The following COL2A1 variants were observed in gnomAD, a reference collection of about 807,000 sequenced individuals.
COL2A1 encodes collagen alpha-1(II) chain.
COL2A1 carries 28 observed loss-of-function variants against 204.5 expected under a neutral mutation model. The observed-to-expected ratio is 0.14, with a 90% CI of 0.10 to 0.19. The LOEUF is 0.19. Among genes scored for constraint, COL2A1 ranks in the 10% least tolerant of loss-of-function variants. The pLI is 1.00. For missense variants in COL2A1, 1,388 were observed against 2,027.5 expected (o/e 0.68, Z 6.06); for synonymous variants, 708 against 718.7 (o/e 0.99, Z 0.24).
In COL2A1 at chr12:47,974,744, GTTC is replaced by G; in HGVS notation, c.4002_4004del (p.Lys1334del). ...TCTCCTTGCTCTTGCTGCTCCACCA[GTTC>G]TTCTTGGGAACGTTTGCTGGATTGG... On this transcript the variant is annotated inframe_deletion, in exon 52 of 54. Coordinates refer to ENST00000380518, the MANE Select transcript of COL2A1 (RefSeq NM_001844.5). The G allele has an allele frequency of 6.2e-7, 1 of 1,614,216 alleles. No individual in the cohort carries two copies. The highest frequency in any genetic ancestry group is 8.5e-7 in the Non-Finnish European group (1 of 1,180,040).
chr12:47,991,161 A>T (rs1793917), intron 16 of COL2A1, among the ~76,000 whole-genome samples: 118,828 of 152,164 alleles, frequency 0.78, 46,812 homozygotes, highest in Non-Finnish European at 0.85. Flanking sequence ...TTCGGGAAGC[A>T]GTTCCTTGGG....
At position 47,980,473 on chromosome 12, in the gene COL2A1, C is replaced by T. The variant is rs892380238; in HGVS notation, c.2625+81G>A. 1.7e-5 allele frequency: 22 copies of T among 1,286,090 alleles called. No homozygotes were observed. The highest frequency in any genetic ancestry group is 5.1e-5 in the South Asian group (4 of 78,982). The allele number at this position is 1,286,090 out of a possible 1,614,324, so 79.7% of individuals were successfully genotyped here. A position where few individuals can be genotyped will look rare whatever the true frequency, so the allele number is the denominator to read the frequency against. ...TCCCAGGCCTGCGAACCATCCTCTG[C>T]GCAGCCTGCTGGGGCCTTCCCATCT... On this transcript the variant is annotated intron_variant, in intron 39 of 53. Transcript: ENST00000380518. This position sits in a 1 kb window ranked among gnomAD's most constrained non-coding sequence, Gnocchi z 4.5.
At position 47,984,069 on chromosome 12, in the gene COL2A1, G is replaced by A. The variant is rs753819738; in HGVS notation, c.1941+18C>T. On this transcript the variant is annotated intron_variant, in intron 29 of 53. Coordinates refer to ENST00000380518, the MANE Select transcript of COL2A1 (RefSeq NM_001844.5). ...CCCTGCCCCCAGGGCCACCTGGGGA[G>A]GCTGGGCAGGTACTTACAGCAGGGC... 6 of 1,609,332 alleles carry A rather than the reference G, an allele frequency of 3.7e-6. 1 individual carries two copies. Among genetic ancestry groups the A allele is most frequent in the Non-Finnish European group, 5.1e-6 (6 of 1,178,058 alleles).
intron 14 of COL2A1, 60 bp from the exon 15 acceptor site, chr12:47,993,562 CCTAGGGAA>C (rs1467404877): frequency 1.9e-5 from 28 of 1,482,840 alleles, no homozygotes; most frequent in Non-Finnish European, 2.5e-5. Flanking sequence ...CCAGCAAACT[CCTAGGGAA>C]GACGCCAAAA....
In COL2A1 at chr12:47,975,444, G is replaced by A. The variant is rs761840345; in HGVS notation, c.3759C>T (p.Ala1253=). The part of the protein sequence containing the change: ...QAAGGLRQHD[A]EVDATLKSLN... ...GGGACTTGAGTGTGGCATCCACCTC[G>A]GCGTCATGCTGTCTCAGGCCACCGG... The change falls in exon 51 of 54, where the codon GCC becomes GCT. Residue 1253 remains alanine (A), a synonymous_variant. Transcript: ENST00000380518. 1.2e-5 allele frequency: 19 copies of A among 1,614,014 alleles called. No homozygotes were observed. The highest frequency in any genetic ancestry group is 4.0e-5 in the African/African-American group (3 of 74,916).
chr12:47,984,910 A>G (rs2136563559), intron 27 of COL2A1, 85 bp downstream of exon 27: 1 of 1,160,894 alleles, frequency 8.6e-7, no homozygotes, highest in African/African-American at 1.5e-5. Context: ...GTTAAACTCT[A>G]CTCAGGACCC....
rs1029622443 is a variant in COL2A1 at position 48,003,798 on chromosome 12, CCTCG to C, written c.85+435_85+438del. On this transcript the variant is annotated intron_variant, in intron 1 of 53. Transcript: ENST00000380518. The stretch of plus-strand genomic sequence containing the variant: ...TCAACCCTTTGGCGTTTGCTTGCTC[CCTCG>C]CTCGCGCTCTCTCTTTCCTACTTCA... 9.2e-5 allele frequency among the ~76,000 whole-genome samples: 14 copies of C among 152,290 alleles called. 1 individual carries two copies. Among genetic ancestry groups the C allele is most frequent in the Admixed American group, 9.1e-4 (14 of 15,304 alleles).
rs1400605606 is a variant in COL2A1 at position 47,978,466 on chromosome 12, T to C, written c.2896-68A>G. 3 of 1,569,366 alleles carry C rather than the reference T, an allele frequency of 1.9e-6. No homozygotes were observed. The African/African-American group carries it at 4.1e-5, about 21-fold the overall frequency. ...GCCTCTTCTGTCCTCTCAGCACAGC[T>C]CTGTCTGTGCAGCCCCGCTCCCTGG... On this transcript the variant is annotated intron_variant, in intron 42 of 53. Transcript: ENST00000380518. This position sits in a 1 kb window ranked among gnomAD's most constrained non-coding sequence, Gnocchi z 5.5.
rs1467564980 is a variant in COL2A1, at chr12:48,004,197, T to C, written c.85+40A>G. 13 of 1,405,590 alleles carry C rather than the reference T, an allele frequency of 9.2e-6. No individual in the cohort carries two copies. In the East Asian group the frequency reaches 3.0e-4, roughly 32 times the overall value. 87.1% of individuals were successfully genotyped at this position (1,405,590 alleles called of 1,614,324 possible). On this transcript the variant is annotated intron_variant, in intron 1 of 53. Coordinates refer to ENST00000380518, the MANE Select transcript of COL2A1 (RefSeq NM_001844.5). Reference sequence around the variant, plus strand: ...GGGGAGAAGGATGCTGAGGGACGCATGGAAAGCAGGCAGGCAGGCAGGGGC... The same window carrying C: ...GGGGAGAAGGATGCTGAGGGACGCACGGAAAGCAGGCAGGCAGGCAGGGGC...
chr12:47,978,589 G>A lies in COL2A1; in HGVS notation c.2895+8C>T. The A allele has an allele frequency of 6.2e-7, 1 of 1,613,462 alleles. No individual in the cohort carries two copies. Among genetic ancestry groups the A allele is most frequent in the Non-Finnish European group, 8.5e-7 (1 of 1,179,926 alleles). ...GGGACCTTGGCATGGGCCTGGTGAG[G>A]GACTTACAGAGGGACCGTCATCTCC... On this transcript the variant is annotated splice_region_variant and intron_variant, in intron 42 of 53. Coordinates refer to ENST00000380518, the MANE Select transcript of COL2A1 (RefSeq NM_001844.5). This position sits in a 1 kb window ranked among gnomAD's most constrained non-coding sequence, Gnocchi z 5.5.
chr12:47,992,853 G>A lies in COL2A1; in HGVS notation c.1023+25C>T, dbSNP rs544232476. The A allele has an allele frequency of 5.3e-5, 85 of 1,613,352 alleles. 2 individuals carry two copies. In the South Asian group the frequency reaches 9.1e-4, roughly 17 times the overall value. ...ACTCTAAAGTGCTCGGCAAATGGTG[G>A]TGTTTGGCTTTGTCAATTACTCACC... is the stretch of plus-strand genomic sequence containing the variant. On this transcript the variant is annotated intron_variant, in intron 16 of 53. Transcript: ENST00000380518.
rs41263847 is a variant in COL2A1, at chr12:47,984,115, G to T, written c.1913C>A (p.Thr638Lys). 6.2e-7 allele frequency: 1 copy of T among 1,613,620 alleles called. No homozygotes were observed. Among genetic ancestry groups the T allele is most frequent in the Non-Finnish European group, 8.5e-7 (1 of 1,179,858 alleles). Reference protein sequence around the residue: ...LRGLPGKDGETGAAGPPGPAG... With the variant: ...LRGLPGKDGEKGAAGPPGPAG... ...AGGGCCAGGGGGTCCTGCAGCACCT[G>T]TCTCACCATCTTTGCCAGGAAGACC... Residue 638 changes from threonine to lysine, a missense_variant, in exon 29 of 54, where the codon ACA becomes AAA. Physicochemically the swap from Thr to Lys is moderately conservative, Grantham distance 78. Coordinates refer to ENST00000380518, the MANE Select transcript of COL2A1 (RefSeq NM_001844.5).
intron 35 of COL2A1, 63 bp from the exon 36 acceptor site, chr12:47,981,892 G>A (rs1939113498): frequency 6.6e-7 from 1 of 1,517,066 alleles, no homozygotes; most frequent in South Asian, 1.2e-5. Flanking sequence ...GTGCGGCCCG[G>A]CACCAAGCCA....
intron 2 of COL2A1, chr12:47,998,791 C>T (rs541081247): frequency 4.4e-5 from 11 of 250,972 alleles, no homozygotes; most frequent in South Asian, 6.9e-5. Context: ...GGTAGGGAGC[C>T]GTTCCCGAAC....
Position 47,978,149 on chromosome 12 carries a change from A to G in COL2A1, c.3004-32T>C, listed in dbSNP as rs1180283938. The stretch of plus-strand genomic sequence containing the variant: ...GGACAGAGACAAGGATGATGAGTGC[A>G]AGTGGTAAGCACCCCTGCCCAGGGC... On this transcript the variant is annotated intron_variant, in intron 43 of 53. Coordinates refer to ENST00000380518, the MANE Select transcript of COL2A1 (RefSeq NM_001844.5). This position sits in a 1 kb window ranked among gnomAD's most constrained non-coding sequence, Gnocchi z 5.5. 6 of 1,601,154 alleles carry G rather than the reference A, an allele frequency of 3.7e-6. No homozygotes were observed. Among genetic ancestry groups the G allele is most frequent in the South Asian group, 2.2e-5 (2 of 89,730 alleles).
chr12:47,998,490 T>C, intron 2 of COL2A1, 59 bp from the exon 3 acceptor site: 1 of 1,565,498 alleles, frequency 6.4e-7, no homozygotes, highest in Non-Finnish European at 8.7e-7. Context: ...GAAAAATACC[T>C]ATTCTTGTCA....
intron 51 of COL2A1, 146 bp from the exon 52 acceptor site, chr12:47,975,008 G>T: frequency 1.2e-6 from 1 of 864,322 alleles, no homozygotes; most frequent in Non-Finnish European, 1.8e-6. Context: ...AGGGGGACCT[G>T]GGAGGATGCA....
rs1938701199 is a variant in COL2A1, at chr12:47,976,250, A to C, written c.3490-180T>G. ...GGCCAAGAACCAGCAGGATAGCTCC[A>C]TGGCTTGCCTACCCTCCTAAGCTCC... On this transcript the variant is annotated intron_variant, in intron 49 of 53. Coordinates refer to ENST00000380518, the MANE Select transcript of COL2A1 (RefSeq NM_001844.5). The surrounding 1 kb of genome is among the most constrained non-coding windows in gnomAD (Gnocchi z 4.3). 2.0e-5 allele frequency among the ~76,000 whole-genome samples: 3 copies of C among 152,208 alleles called. No individual in the cohort carries two copies. In the South Asian group the frequency reaches 6.2e-4, roughly 32 times the overall value.
intron 50 of COL2A1, 129 bp from the exon 51 acceptor site, chr12:47,975,734 C>A (rs575938415): frequency 5.7e-6 from 6 of 1,052,800 alleles, no homozygotes; most frequent in South Asian, 1.4e-5. Context: ...GTGTAGCAGG[C>A]GAGGACCAAG....
Sources: allele counts gnomAD v4.1 joint callset (sites outside exome capture counted in the v4.1 genomes callset), GRCh38; gene constraint gnomAD v4.1.1; non-coding constraint Gnocchi (gnomAD v3.1); transcripts MANE v1.5; gene names NCBI Gene and HGNC (gene_info 2026-07-23, HGNC 2026-07-21).